ADARB2: variants seen among roughly 807,000 people sequenced by gnomAD.
ADARB2 encodes inactive double-stranded RNA-specific editase B2.
A neutral mutation model predicts 62.2 loss-of-function variants in ADARB2; 25 were observed. The ratio of observed to expected loss-of-function variants is 0.40; its 90% CI spans 0.29 to 0.56. ADARB2 has a LOEUF of 0.56. Ranked by LOEUF, ADARB2 falls within the 20% of genes least tolerant of loss-of-function variation. ADARB2 has a pLI of 0.43. For missense variants in ADARB2, 1,071 were observed against 1,077.4 expected (o/e 0.99, Z 0.08); for synonymous variants, 572 against 500.8 (o/e 1.14, Z -1.90).
In ADARB2 at chr10:1,529,549, C is replaced by T. The variant is rs113232364; in HGVS notation, c.101-150389G>A. On this transcript the variant is annotated intron_variant, in intron 1 of 9. Coordinates refer to ENST00000381312, the MANE Select transcript of ADARB2 (RefSeq NM_018702.4). Reference sequence around the variant, plus strand: ...ACACCCTTCCACTCTTCCGATGCAACGTCACCTCTCCTGTGACCCCTTCCA... The same window carrying T: ...ACACCCTTCCACTCTTCCGATGCAATGTCACCTCTCCTGTGACCCCTTCCA... 2.5e-3 allele frequency among the ~76,000 whole-genome samples: 384 copies of T among 152,310 alleles called. 3 individuals are homozygous for T. Among genetic ancestry groups the T allele is most frequent in the African/African-American group, 8.5e-3 (354 of 41,558 alleles).
chr10:1,660,381 G>C (rs1376162690), intron 1 of ADARB2, among the ~76,000 whole-genome samples: 2 of 152,246 alleles, frequency 1.3e-5, no homozygotes, highest in African/African-American at 4.8e-5. Flanking sequence ...GGGAAGCAAA[G>C]TCGGTCGTAA....
At chr10:1,667,277 C>T (rs1270873031) in intron 1 of ADARB2, among the ~76,000 whole-genome samples, 2 of 152,184 alleles carry the variant, frequency 1.3e-5, no homozygotes, top group African/African-American at 4.8e-5. Context: ...CTTCTTTAGG[C>T]ATCAGGACTG....
At chr10:1,290,695 C>G (rs1247867822) in intron 3 of ADARB2, 1 of 152,204 alleles carries the variant, frequency 6.6e-6, no homozygotes, top group East Asian at 1.9e-4. Context: ...TGACATCTGT[C>G]TGTCTACCTG....
At chr10:1,333,178 A>C (rs1247736010) in intron 3 of ADARB2, among the ~76,000 whole-genome samples, 2 of 152,190 alleles carry the variant, frequency 1.3e-5, no homozygotes, top group African/African-American at 2.4e-5. Context: ...CTCGATTTCT[A>C]CTAGCTTTTC....
intron 4 of ADARB2, among the ~76,000 whole-genome samples, chr10:1,263,478 G>A (rs1831163863): frequency 6.6e-6 from 1 of 152,160 alleles, no homozygotes; most frequent in South Asian, 2.1e-4. Flanking sequence ...GTTTAGTTGT[G>A]TTGCTTTGAG....
chr10:1,279,245 T>C (rs958713655), intron 3 of ADARB2, among the ~76,000 whole-genome samples: 4 of 152,224 alleles, frequency 2.6e-5, no homozygotes, highest in Non-Finnish European at 5.9e-5. Context: ...TGTCATGTGC[T>C]ACATGAACTC....
intron 1 of ADARB2, among the ~76,000 whole-genome samples, chr10:1,471,851 T>C (rs1206844272): frequency 6.6e-6 from 1 of 152,228 alleles, no homozygotes; most frequent in Non-Finnish European, 1.5e-5. Flanking sequence ...ATGTTAGACA[T>C]TGAATAACAC....
intron 1 of ADARB2, among the ~76,000 whole-genome samples, chr10:1,727,624 T>C (rs931901093): frequency 1.3e-5 from 2 of 152,234 alleles, no homozygotes; most frequent in Non-Finnish European, 2.9e-5. Context: ...CAAAGAACTT[T>C]CATTTGATAT....
At chr10:1,244,703 G>C (rs1374975939) in intron 4 of ADARB2, among the ~76,000 whole-genome samples, 2 of 152,180 alleles carry the variant, frequency 1.3e-5, no homozygotes, top group Admixed American at 6.5e-5. Context: ...TATGAGAAAT[G>C]TCGCGGAAGT....
intron 1 of ADARB2, among the ~76,000 whole-genome samples, chr10:1,418,166 C>T (rs1832821077): frequency 6.6e-6 from 1 of 152,176 alleles, no homozygotes; most frequent in Admixed American, 6.5e-5. Flanking sequence ...GGATCAACTT[C>T]ATCGTGTTAG....
intron 1 of ADARB2, among the ~76,000 whole-genome samples, chr10:1,612,010 G>C (rs1833578768): frequency 6.6e-6 from 1 of 152,126 alleles, no homozygotes; most frequent in Non-Finnish European, 1.5e-5. Flanking sequence ...CAAGGAATTA[G>C]GCAGAACTCA....
At chr10:1,578,803 A>G (rs1211389052) in intron 1 of ADARB2, among the ~76,000 whole-genome samples, 1 of 151,946 alleles carries the variant, frequency 6.6e-6, no homozygotes, top group East Asian at 1.9e-4. Flanking sequence ...CCCCCCATAT[A>G]TGCACACACA....
In ADARB2 at chr10:1,503,203, G is replaced by A. The variant is rs147748683; in HGVS notation, c.101-124043C>T. Among the ~76,000 whole-genome samples, 516 of 152,190 alleles carry A rather than the reference G, an allele frequency of 3.4e-3. 2 individuals carry two copies. Among genetic ancestry groups the A allele is most frequent in the Middle Eastern group, 0.01 (3 of 294 alleles). On this transcript the variant is annotated intron_variant, in intron 1 of 9. Coordinates refer to ENST00000381312, the MANE Select transcript of ADARB2 (RefSeq NM_018702.4). ...ATGGATTATGCAATATCAGGCTTTC[G>A]TGAAGGGATTTTTTTGTTGTTGTTG...
intron 1 of ADARB2, chr10:1,675,886 G>T: frequency 1.4e-6 from 1 of 732,282 alleles, no homozygotes; most frequent in Non-Finnish European, 1.7e-6. Context: ...AGCTCTGAGT[G>T]GCAGCTCAGA....
chr10:1,621,085 T>C (rs1833698318), intron 1 of ADARB2, among the ~76,000 whole-genome samples: 1 of 152,194 alleles, frequency 6.6e-6, no homozygotes, highest in Admixed American at 6.5e-5. Flanking sequence ...AATTCAACAG[T>C]ATACTGCTGG....
intron 1 of ADARB2, among the ~76,000 whole-genome samples, chr10:1,417,469 A>T (rs1451090929): frequency 6.6e-6 from 1 of 152,206 alleles, no homozygotes; most frequent in Admixed American, 6.5e-5. Context: ...TTACTGACTC[A>T]AAAGAAGGAT....
At chr10:1,493,651 G>A (rs1831649677) in intron 1 of ADARB2, among the ~76,000 whole-genome samples, 1 of 147,144 alleles carries the variant, frequency 6.8e-6, no homozygotes, top group African/African-American at 2.5e-5. Context: ...TATAAGACTG[G>A]TGTGATCCTG....
At chr10:1,579,291 A>G (rs1276013423) in intron 1 of ADARB2, among the ~76,000 whole-genome samples, 4 of 152,184 alleles carry the variant, frequency 2.6e-5, no homozygotes, top group Non-Finnish European at 4.4e-5. Context: ...GGCACAATTT[A>G]CATCCTCCTA....
At chr10:1,451,537 C>T (rs373799514) in intron 1 of ADARB2, among the ~76,000 whole-genome samples, 1 of 150,158 alleles carries the variant, frequency 6.7e-6, no homozygotes, top group South Asian at 2.1e-4. Context: ...AGGGGACACA[C>T]CTGTTTGAAG....
Sources: gnomAD v4.1 joint callset for allele counts (sites outside exome capture counted in the v4.1 genomes callset) on GRCh38, gnomAD v4.1.1 for gene constraint, MANE v1.5 for transcripts, NCBI Gene and HGNC (gene_info 2026-07-23, HGNC 2026-07-21) for gene names.